PARP8: variants seen among roughly 807,000 people sequenced by gnomAD.
The protein encoded by PARP8 is protein mono-ADP-ribosyltransferase PARP8.
A neutral mutation model predicts 124.1 loss-of-function variants in PARP8; 51 were observed. The observed-to-expected ratio is 0.41, with a 90% CI of 0.33 to 0.52. The LOEUF is 0.52. Ranked by LOEUF, PARP8 falls within the 20% of genes least tolerant of loss-of-function variation. PARP8 has a pLI of 0.21. For synonymous variants in PARP8, 391 were observed against 361.5 expected (o/e 1.08, Z -0.93); for missense variants, 860 against 1,018.9 (o/e 0.84, Z 2.12).
intron 14 of PARP8, among the ~76,000 whole-genome samples, chr5:50,798,181 TATACCAC>T (rs1171802131): frequency 6.6e-6 from 1 of 152,178 alleles, no homozygotes; most frequent in Non-Finnish European, 1.5e-5. Flanking sequence ...ATTTTATGCA[TATACCAC>T]ATTTGTTTAT....
intron 12 of PARP8, among the ~76,000 whole-genome samples, chr5:50,796,188 A>G (rs774992471): frequency 2.6e-5 from 4 of 152,188 alleles, no homozygotes; most frequent in Admixed American, 6.5e-5. Flanking sequence ...TTTGCTAAAT[A>G]TATATGTGTG....
rs76572710 is a variant in PARP8 at position 50,767,601 on chromosome 5, T to G, written c.518+4359T>G. Reference sequence around the variant, plus strand: ...GCAGTTGTTTATACTGTACCTCTTATGCACAGTTTTACATGAGCTTCCTTT... The same window carrying G: ...GCAGTTGTTTATACTGTACCTCTTAGGCACAGTTTTACATGAGCTTCCTTT... On this transcript the variant is annotated intron_variant, in intron 7 of 25. Coordinates refer to ENST00000281631, the MANE Select transcript of PARP8 (RefSeq NM_024615.4). Among the ~76,000 whole-genome samples, 466 of 152,378 alleles carry G rather than the reference T, an allele frequency of 3.1e-3. 1 individual carries two copies. The highest frequency in any genetic ancestry group is 3.4e-3 in the Non-Finnish European group (232 of 68,028).
In PARP8 at chr5:50,750,083, C is replaced by CT. The variant is rs929288690; in HGVS notation, c.147-60dup. 7.8e-5 allele frequency: 101 copies of CT among 1,289,874 alleles called. 2 individuals are homozygous for CT. The highest frequency in any genetic ancestry group is 4.6e-4 in the South Asian group (37 of 80,592). 79.9% of individuals were successfully genotyped at this position (1,289,874 alleles called of 1,614,324 possible). On this transcript the variant is annotated intron_variant, in intron 2 of 25. Transcript: ENST00000281631. ...AATGGGTAACATGGGTTTGGTTTGT[C>CT]TTTTTTTTATAAAAGCCTGTCTACC...
intron 2 of PARP8, among the ~76,000 whole-genome samples, chr5:50,732,820 G>A (rs1323101581): frequency 2.0e-5 from 3 of 151,610 alleles, no homozygotes; most frequent in Non-Finnish European, 2.9e-5. Flanking sequence ...GGGTTGCACC[G>A]TGTTGGCAAG....
chr5:50,680,586 C>T (rs545814798), intron 2 of PARP8, among the ~76,000 whole-genome samples: 74 of 152,190 alleles, frequency 4.9e-4, no homozygotes, highest in Non-Finnish European at 8.5e-4. Context: ...GTTGATTCTC[C>T]CCAACTCTCA....
At chr5:50,707,987 G>A (rs1754339408) in intron 2 of PARP8, among the ~76,000 whole-genome samples, 1 of 151,922 alleles carries the variant, frequency 6.6e-6, no homozygotes, top group African/African-American at 2.4e-5. Context: ...TCACTAATCA[G>A]CATATTACAA....
intron 10 of PARP8, among the ~76,000 whole-genome samples, chr5:50,791,312 C>T (rs542623483): frequency 1.3e-5 from 2 of 152,218 alleles, no homozygotes; most frequent in East Asian, 1.9e-4. Context: ...CTCTATGAAA[C>T]AGGCCTTGTT....
At chr5:50,717,256 T>C (rs1471557866) in intron 2 of PARP8, among the ~76,000 whole-genome samples, 2 of 151,344 alleles carry the variant, frequency 1.3e-5, no homozygotes, top group Non-Finnish European at 3.0e-5. Flanking sequence ...GTGGCTTGAG[T>C]TGGGGTTAAA....
chr5:50,756,885 T>C (rs932589905), intron 3 of PARP8, among the ~76,000 whole-genome samples: 13 of 152,122 alleles, frequency 8.5e-5, no homozygotes, highest in Non-Finnish European at 1.9e-4. Context: ...TAGTTCAACT[T>C]ACTTAGATTC....
At chr5:50,825,049 A>G in intron 18 of PARP8, 74 bp downstream of exon 18, 1 of 1,282,720 alleles carries the variant, frequency 7.8e-7, no homozygotes, top group Non-Finnish European at 1.1e-6. Context: ...AAAAAACCAA[A>G]CAAACAAAAG....
At chr5:50,798,187 AC>A (rs1002416415) in intron 14 of PARP8, among the ~76,000 whole-genome samples, 4 of 152,080 alleles carry the variant, frequency 2.6e-5, no homozygotes, top group Admixed American at 2.6e-4. Context: ...TGCATATACC[AC>A]ATTTGTTTAT....
intron 5 of PARP8, among the ~76,000 whole-genome samples, chr5:50,761,445 G>A (rs1760534348): frequency 6.6e-6 from 1 of 151,920 alleles, no homozygotes; most frequent in African/African-American, 2.4e-5. Context: ...CAGGGGAAGT[G>A]AGAACAGCCT....
chr5:50,754,186 T>C (rs867035787), intron 3 of PARP8, among the ~76,000 whole-genome samples: 5 of 125,536 alleles, frequency 4.0e-5, no homozygotes, highest in African/African-American at 1.1e-4. Flanking sequence ...CACACATATA[T>C]ATATATTTTA....
chr5:50,723,762 C>T (rs1296728659), intron 2 of PARP8, among the ~76,000 whole-genome samples: 2 of 151,976 alleles, frequency 1.3e-5, no homozygotes, highest in African/African-American at 4.8e-5. Context: ...GCCAAACAGG[C>T]TTTTTACTAT....
At chr5:50,820,929 G>C (rs1310151402) in intron 15 of PARP8, among the ~76,000 whole-genome samples, 1 of 152,156 alleles carries the variant, frequency 6.6e-6, no homozygotes, top group Admixed American at 6.5e-5. Context: ...TGTCTGTCTT[G>C]TGCCTTGTCT....
chr5:50,806,780 T>G (rs1270424543), intron 14 of PARP8, among the ~76,000 whole-genome samples: 1 of 152,108 alleles, frequency 6.6e-6, no homozygotes, highest in African/African-American at 2.4e-5. Context: ...AATTTTTTTC[T>G]ATATCTTACT....
intron 9 of PARP8, among the ~76,000 whole-genome samples, chr5:50,788,194 A>ATATTAC: frequency 7.8e-6 from 1 of 128,702 alleles, no homozygotes; most frequent in Admixed American, 8.2e-5. Context: ...ATAATATATT[A>ATATTAC]ATGTATAATA....
At chr5:50,831,556 A>G (rs969447566) in intron 22 of PARP8, among the ~76,000 whole-genome samples, 1 of 152,238 alleles carries the variant, frequency 6.6e-6, no homozygotes, top group Non-Finnish European at 1.5e-5. Flanking sequence ...TGGAGTTACA[A>G]AGAAGAAATC....
intron 3 of PARP8, chr5:50,757,111 C>T (rs1238386309): frequency 1.3e-5 from 6 of 453,434 alleles, no homozygotes; most frequent in Admixed American, 9.5e-5. Flanking sequence ...GTTGTTTCCA[C>T]TTCTTAGCTA....
Sources: gnomAD v4.1 joint callset for allele counts (sites outside exome capture counted in the v4.1 genomes callset) on GRCh38, gnomAD v4.1.1 for gene constraint, MANE v1.5 for transcripts, NCBI Gene and HGNC (gene_info 2026-07-23, HGNC 2026-07-21) for gene names.